The following DNAH10 variants were observed in gnomAD, a reference collection of about 807,000 sequenced individuals.
DNAH10 encodes the protein axonemal beta dynein heavy chain 10.
Under a neutral mutation model 506.6 loss-of-function variants are expected in DNAH10, and 348 were observed. The observed-to-expected ratio is 0.69, with a 90% CI of 0.63 to 0.75. DNAH10 has a LOEUF of 0.75. Among genes scored for constraint, DNAH10 ranks in the 30% least tolerant of loss-of-function variants. The pLI, the probability that DNAH10 is intolerant of heterozygous loss-of-function variation, is 0.00. For missense variants in DNAH10, 5,179 were observed against 5,787.1 expected (o/e 0.89, Z 3.41); for synonymous variants, 2,059 against 2,198.6 (o/e 0.94, Z 1.78).
At chr12:123,912,474 TGGG>T (rs111518943) in intron 59 of DNAH10, among the ~76,000 whole-genome samples, 2 of 27,902 alleles carry the variant, frequency 7.2e-5, no homozygotes, top group Non-Finnish European at 1.2e-4. Context: ...GGGTCTGTCC[TGGG>T]GGGGGGTCTG....
In DNAH10 at chr12:123,813,452, T is replaced by C; in HGVS notation, c.3433T>C (p.Phe1145Leu). Residue 1145 changes from phenylalanine to leucine, a missense_variant, in exon 20 of 79, where the codon TTC becomes CTC. Phe to Leu is a conservative substitution (Grantham distance 22). Coordinates refer to ENST00000673944, the MANE Select transcript of DNAH10 (RefSeq NM_001372106.1). The stretch of plus-strand genomic sequence containing the variant: ...TGTAGCATATGATGAAAAGTTGCAG[T>C]TCTATTCCAAGATAGCTTATGAGGT... ...PCVAYDEKLQFYSKIAYEVMR... is the reference protein window; with the variant it reads ...PCVAYDEKLQLYSKIAYEVMR... 1 of 1,614,216 alleles carries C rather than the reference T, an allele frequency of 6.2e-7. No individual in the cohort carries two copies. Among genetic ancestry groups the C allele is most frequent in the South Asian group, 1.1e-5 (1 of 91,078 alleles).
intron 1 of DNAH10, among the ~76,000 whole-genome samples, chr12:123,766,482 C>T (rs1957054545): frequency 6.6e-6 from 1 of 152,070 alleles, no homozygotes; most frequent in Non-Finnish European, 1.5e-5. Context: ...TTTTTTCATG[C>T]CAATTCCTAT....
At position 123,933,502 on chromosome 12, in the gene DNAH10, G is replaced by A. The variant is rs940075643; in HGVS notation, c.13468G>A (p.Ala4490Thr). The A allele has an allele frequency of 6.2e-7, 1 of 1,602,202 alleles. No individual in the cohort carries two copies. Among genetic ancestry groups the A allele is most frequent in the Non-Finnish European group, 8.5e-7 (1 of 1,172,962 alleles). Reference sequence around the variant, plus strand: ...GGATGCAGATGAAGTGAATGAGCGGGCGGGACAAGGTACCGTCAGCTCGTT... The same window carrying A: ...GGATGCAGATGAAGTGAATGAGCGGACGGGACAAGGTACCGTCAGCTCGTT... ...FQDADEVNER[A>T]GQGCFVSGLY... The change falls in exon 77 of 79, where the codon GCG becomes ACG. Residue 4490 changes from alanine (A) to threonine (T), a missense_variant. Transcript: ENST00000673944.
intron 28 of DNAH10, among the ~76,000 whole-genome samples, chr12:123,836,943 C>T (rs1324371298): frequency 1.5e-5 from 2 of 137,288 alleles, no homozygotes; most frequent in Non-Finnish European, 3.1e-5. Context: ...AGCTCCACAT[C>T]CTGGGTTCCG....
rs1384478378 is a variant in DNAH10, at chr12:123,913,026, G to A, written c.10135-72G>A. ...TTAGAGCAGTTTAGACATGTGGCCT[G>A]GTTTGAGGCCATGGGATCGCGGCCC... is the stretch of plus-strand genomic sequence containing the variant. On this transcript the variant is annotated intron_variant, in intron 59 of 78. Transcript: ENST00000673944. This position sits in a 1 kb window ranked among gnomAD's most constrained non-coding sequence, Gnocchi z 5.1. The A allele has an allele frequency of 1.4e-6, 2 of 1,431,402 alleles. No individual in the cohort carries two copies. Among genetic ancestry groups the A allele is most frequent in the Non-Finnish European group, 9.5e-7 (1 of 1,047,616 alleles). The allele number at this position is 1,431,402 out of a possible 1,614,324, so 88.7% of individuals were successfully genotyped here.
chr12:123,815,635 T>C (rs1408874022), intron 21 of DNAH10, among the ~76,000 whole-genome samples: 1 of 152,206 alleles, frequency 6.6e-6, no homozygotes, highest in East Asian at 1.9e-4. Context: ...ATATGGTAAT[T>C]GCTGTGTGGT....
Position 123,930,583 on chromosome 12 carries a change from C to G in DNAH10, c.12784+10C>G, listed in dbSNP as rs555436952. The G allele has an allele frequency of 1.9e-6, 3 of 1,605,920 alleles. No individual in the cohort carries two copies. Among genetic ancestry groups the G allele is most frequent in the Non-Finnish European group, 2.5e-6 (3 of 1,177,892 alleles). ...AAGGAGAAATTTGTTGGTGAGATTT[C>G]TCAGACATGAAAAGATGTTTTCAAG... On this transcript the variant is annotated intron_variant, in intron 73 of 78. Transcript: ENST00000673944.
intron 21 of DNAH10, among the ~76,000 whole-genome samples, chr12:123,818,392 C>T (rs1017907422): frequency 5.3e-5 from 8 of 151,482 alleles, no homozygotes; most frequent in South Asian, 2.1e-4. Context: ...GGTGTGATCT[C>T]GACTCACTGC....
At chr12:123,918,039 C>T (rs546611256) in intron 64 of DNAH10, among the ~76,000 whole-genome samples, 1 of 152,286 alleles carries the variant, frequency 6.6e-6, no homozygotes, top group East Asian at 1.9e-4. Context: ...AAAATCCAGC[C>T]CTGCCTGGCT....
chr12:123,874,578 CCCATCCAT>C (rs1402214075), intron 46 of DNAH10, among the ~76,000 whole-genome samples: 21 of 142,738 alleles, frequency 1.5e-4, no homozygotes, highest in South Asian at 2.3e-4. Flanking sequence ...TACCCATCCA[CCCATCCAT>C]CCATCCATCC....
chr12:123,917,551 C>A lies in DNAH10; in HGVS notation c.11003-33C>A. On this transcript the variant is annotated intron_variant, in intron 63 of 78. Coordinates refer to ENST00000673944, the MANE Select transcript of DNAH10 (RefSeq NM_001372106.1). The surrounding 1 kb of genome is among the most constrained non-coding windows in gnomAD (Gnocchi z 5.6). ...CGGGAGAGACTGTTGTTGGGGGCCG[C>A]AGGTGGTGAGGGCCTCTCACTGTCC... 1.3e-6 allele frequency: 2 copies of A among 1,541,948 alleles called. No individual in the cohort carries two copies. Among genetic ancestry groups the A allele is most frequent in the South Asian group, 1.2e-5 (1 of 83,804 alleles).
rs556244931 is a variant in DNAH10, at chr12:123,830,479, A to G, written c.4392-67A>G. On this transcript the variant is annotated intron_variant, in intron 25 of 78. Transcript: ENST00000673944. ...AAATGAGATTTGTCCTGTGATTTAAATGGGAGTAATTGAACTCCTCACTAA... is the reference window on the plus strand; with the variant it reads ...AAATGAGATTTGTCCTGTGATTTAAGTGGGAGTAATTGAACTCCTCACTAA... The G allele has an allele frequency of 1.5e-4, 216 of 1,434,248 alleles. 1 individual carries two copies. The highest frequency in any genetic ancestry group is 9.2e-4 in the Middle Eastern group (5 of 5,460). 88.8% of individuals were successfully genotyped at this position (1,434,248 alleles called of 1,614,324 possible). A position where few individuals can be genotyped will look rare whatever the true frequency, so the allele number is the denominator to read the frequency against.
At position 123,857,069 on chromosome 12, in the gene DNAH10, T is replaced by G. The variant is rs1212596186; in HGVS notation, c.6452T>G (p.Met2151Arg). Reference protein sequence around the residue: ...SSDLREDVVLMRALRDMNLPK... With the variant: ...SSDLREDVVLRRALRDMNLPK... ...CATTTCCTGCAGGACGTGGTGCTGA[T>G]GAGGGCCTTGCGAGACATGAACTTG... The change falls in exon 37 of 79, where the codon ATG becomes AGG. Residue 2151 changes from methionine to arginine, a missense_variant. Transcript: ENST00000673944. 6.2e-7 allele frequency: 1 copy of G among 1,611,876 alleles called. No homozygotes were observed. Among genetic ancestry groups the G allele is most frequent in the Non-Finnish European group, 8.5e-7 (1 of 1,179,056 alleles).
rs377465395 is a variant in DNAH10 at position 123,913,287 on chromosome 12, A to G, written c.10324A>G (p.Ile3442Val). The G allele has an allele frequency of 4.8e-5, 77 of 1,603,662 alleles. No homozygotes were observed. Among genetic ancestry groups the G allele is most frequent in the Non-Finnish European group, 6.5e-5 (77 of 1,175,700 alleles). ...ERRLIAADKL[I>V]SGLGSENIRW... ...GCGGCTGATTGCCGCAGACAAACTC[A>G]TCTCGGGTCTGGGGTCAGAAAACAT... Residue 3442 changes from isoleucine (I) to valine (V), a missense_variant, in exon 60 of 79, where the codon ATC becomes GTC. Around this residue, in one of 3 missense-constraint regions of DNAH10, gnomAD observed 4,844 missense variants for 5,430.5 expected, o/e 0.89. Transcript: ENST00000673944. This position sits in a 1 kb window ranked among gnomAD's most constrained non-coding sequence, Gnocchi z 5.1.
chr12:123,832,262 A>G (rs911969482), intron 26 of DNAH10, among the ~76,000 whole-genome samples: 1 of 152,202 alleles, frequency 6.6e-6, no homozygotes, highest in African/African-American at 2.4e-5. Flanking sequence ...ATACATGTAC[A>G]CATAATGTAC....
At position 123,913,017 on chromosome 12, in the gene DNAH10, A is replaced by G. The variant is rs1954299242; in HGVS notation, c.10135-81A>G. On this transcript the variant is annotated intron_variant, in intron 59 of 78. Transcript: ENST00000673944. The surrounding 1 kb of genome is among the most constrained non-coding windows in gnomAD (Gnocchi z 5.1). ...CAGACACCATTAGAGCAGTTTAGACATGTGGCCTGGTTTGAGGCCATGGGA... is the reference window on the plus strand; with the variant it reads ...CAGACACCATTAGAGCAGTTTAGACGTGTGGCCTGGTTTGAGGCCATGGGA... 8.2e-6 allele frequency: 11 copies of G among 1,340,886 alleles called. No individual in the cohort carries two copies. In the South Asian group the frequency reaches 1.4e-4, roughly 17 times the overall value. The allele number at this position is 1,340,886 out of a possible 1,614,324, so 83.1% of individuals were successfully genotyped here.
intron 51 of DNAH10, among the ~76,000 whole-genome samples, chr12:123,885,333 G>C (rs565058424): frequency 6.6e-6 from 1 of 152,160 alleles, no homozygotes; most frequent in Admixed American, 6.6e-5. Flanking sequence ...CTTTGGAAGC[G>C]TTGGACAGTA....
Position 123,838,565 on chromosome 12 carries a change from G to T in DNAH10, c.5012G>T (p.Ser1671Ile). The change falls in exon 29 of 79, where the codon AGC becomes ATC. Residue 1671 changes from serine to isoleucine, a missense_variant. Around this residue, in one of 3 missense-constraint regions of DNAH10, gnomAD observed 4,844 missense variants for 5,430.5 expected, o/e 0.89. Coordinates refer to ENST00000673944, the MANE Select transcript of DNAH10 (RefSeq NM_001372106.1). ...VSEGLEKCQK[S>I]LNDYLDSKRN... is the part of the protein sequence containing the mutation. The stretch of plus-strand genomic sequence containing the variant: ...GAGGGCCTGGAGAAATGCCAGAAAA[G>T]CCTCAACGACTACTTAGATTCGAAG... The T allele has an allele frequency of 6.2e-7, 1 of 1,614,026 alleles. No homozygotes were observed. The highest frequency in any genetic ancestry group is 8.5e-7 in the Non-Finnish European group (1 of 1,179,896).
rs752625784 is a variant in DNAH10 at position 123,857,152 on chromosome 12, C to T, written c.6535C>T (p.Pro2179Ser). The change falls in exon 37 of 79, where the codon CCT becomes TCT. Residue 2179 changes from proline to serine, a missense_variant. Physicochemically the swap from Pro to Ser is moderately conservative, Grantham distance 74. This residue lies in a region of DNAH10 where 4,844 missense variants were observed against 5,430.5 expected (regional missense o/e 0.89). Coordinates refer to ENST00000673944, the MANE Select transcript of DNAH10 (RefSeq NM_001372106.1). ...LFLGLISDLF[P>S]GLDCPRVRYP... ...CCTTGGTTTGATTTCGGATCTGTTT[C>T]CTGGGCTGGACTGCCCTCGCGTCCG... The T allele has an allele frequency of 1.2e-6, 2 of 1,610,934 alleles. No homozygotes were observed. Among genetic ancestry groups the T allele is most frequent in the Non-Finnish European group, 1.7e-6 (2 of 1,178,664 alleles).
Sources: gnomAD v4.1 joint callset for allele counts (sites outside exome capture counted in the v4.1 genomes callset) on GRCh38, gnomAD v4.1.1 for gene constraint, gnomAD v4.1.1 regional missense constraint, Gnocchi (gnomAD v3.1) non-coding constraint, MANE v1.5 for transcripts, NCBI Gene and HGNC (gene_info 2026-07-23, HGNC 2026-07-21) for gene names.